Variants in EPB41L1 observed in about 807,000 individuals in gnomAD.
EPB41L1 encodes erythrocyte membrane protein band 4.1 like 1, also known as band 4.1-like protein 1.
Under a neutral mutation model 97.8 loss-of-function variants are expected in EPB41L1, and 29 were observed. The observed-to-expected ratio is 0.30, with a 90% CI of 0.22 to 0.40. The LOEUF is 0.40. EPB41L1 is among the 10% of genes least tolerant of loss of function. The pLI is 1.00. For missense variants in EPB41L1, 812 were observed against 1,162.3 expected, an observed-to-expected ratio of 0.70 and a Z score of 4.38; for synonymous variants, 383 against 459.2, an observed-to-expected ratio of 0.83 and a Z score of 2.12.
intron 2 of EPB41L1, among the ~76,000 whole-genome samples, chr20:36,114,364 G>A (rs2058518051): frequency 6.6e-6 from 1 of 152,006 alleles, no homozygotes; most frequent in Admixed American, 6.5e-5. Context: ...CAGGGCTCTA[G>A]GAAGCAGGGT....
chr20:36,130,843 C>T (rs2059173613), intron 2 of EPB41L1, among the ~76,000 whole-genome samples: 1 of 151,306 alleles, frequency 6.6e-6, no homozygotes, highest in African/African-American at 2.4e-5. Flanking sequence ...GAGTTTTGCT[C>T]TTGTTGCCCA....
chr20:36,141,732 A>C (rs1455988088), intron 2 of EPB41L1, among the ~76,000 whole-genome samples: 1 of 152,236 alleles, frequency 6.6e-6, no homozygotes, highest in Non-Finnish European at 1.5e-5. Context: ...TAATTCCACT[A>C]TCATAAAACA....
intron 3 of EPB41L1, among the ~76,000 whole-genome samples, chr20:36,176,569 C>G (rs1267922673): frequency 6.6e-6 from 1 of 151,992 alleles, no homozygotes; most frequent in African/African-American, 2.4e-5. Context: ...GGCTGAGTCC[C>G]TCTTCTCTAC....
chr20:36,166,537 A>T (rs1286073680), intron 1 of EPB41L1, among the ~76,000 whole-genome samples: 1 of 152,190 alleles, frequency 6.6e-6, no homozygotes, highest in Non-Finnish European at 1.5e-5. Flanking sequence ...GAGGGATAAA[A>T]AGAAATAAGT....
In EPB41L1 at chr20:36,190,600, C is replaced by T; in HGVS notation, c.1125-22C>T. ...CAGTGCAGGTCTGATTCCTCCTCCT[C>T]CCCTGCATCCCTCTGCTGCAGGCTG... is the stretch of plus-strand genomic sequence containing the variant. On this transcript the variant is annotated intron_variant, in intron 10 of 21. Coordinates refer to ENST00000338074, the MANE Select transcript of EPB41L1 (RefSeq NM_012156.2). The surrounding 1 kb of genome is among the most constrained non-coding windows in gnomAD (Gnocchi z 5.8). 1 of 1,613,682 alleles carries T rather than the reference C, an allele frequency of 6.2e-7. No homozygotes were observed. Among genetic ancestry groups the T allele is most frequent in the Non-Finnish European group, 8.5e-7 (1 of 1,179,928 alleles).
At position 36,232,069 on chromosome 20, in the gene EPB41L1, C is replaced by T. The variant is rs55653855; in HGVS notation, c.*2729C>T. ...CACCAGGGTTTGGGGAAATCACCATCCCGCGGATGCTGTGACCTCCCTTCT... is the reference window on the plus strand; with the variant it reads ...CACCAGGGTTTGGGGAAATCACCATTCCGCGGATGCTGTGACCTCCCTTCT... On this transcript the variant is annotated 3_prime_UTR_variant, in exon 22 of 22. Transcript: ENST00000338074. The T allele has an allele frequency of 0.024, 3,694 of 152,688 alleles. 58 individuals are homozygous for T. Among genetic ancestry groups the T allele is most frequent in the Middle Eastern group, 0.041 (12 of 296 alleles). 9.5% of individuals were successfully genotyped at this position (152,688 alleles called of 1,614,324 possible). A position where few individuals can be genotyped will look rare whatever the true frequency, so the allele number is the denominator to read the frequency against.
intron 14 of EPB41L1, among the ~76,000 whole-genome samples, chr20:36,203,695 G>A (rs896442672): frequency 6.6e-6 from 1 of 152,230 alleles, no homozygotes; most frequent in Non-Finnish European, 1.5e-5. Context: ...TGGTTCAGGA[G>A]CTGTGGTCCT....
chr20:36,097,368 A>G (rs2057865541), intron 1 of EPB41L1, among the ~76,000 whole-genome samples: 1 of 152,242 alleles, frequency 6.6e-6, no homozygotes, highest in South Asian at 2.1e-4. Flanking sequence ...AAACAGGACC[A>G]GTACTAGTAT....
intron 2 of EPB41L1, among the ~76,000 whole-genome samples, chr20:36,137,624 A>C (rs1401101921): frequency 6.6e-6 from 1 of 152,080 alleles, no homozygotes; most frequent in Non-Finnish European, 1.5e-5. Context: ...TCCTGGGTTC[A>C]AGCGATTCTT....
At chr20:36,200,934 G>C (rs2062460635) in intron 14 of EPB41L1, 2 of 456,726 alleles carry the variant, frequency 4.4e-6, no homozygotes, top group Non-Finnish European at 8.8e-6. Context: ...GCAGCCGCAG[G>C]CTTGGAAGTG....
intron 1 of EPB41L1, chr20:36,155,112 G>A: frequency 2.0e-6 from 1 of 495,826 alleles, no homozygotes; most frequent in Non-Finnish European, 3.8e-6. Context: ...GAGGCTGGGG[G>A]TTGGCGGGGG....
At chr20:36,191,473 C>T (rs1055608592) in intron 11 of EPB41L1, among the ~76,000 whole-genome samples, 2 of 152,112 alleles carry the variant, frequency 1.3e-5, no homozygotes, top group South Asian at 2.1e-4. Context: ...GCACAAACCA[C>T]GTTTCATCAG....
intron 7 of EPB41L1, among the ~76,000 whole-genome samples, chr20:36,187,045 C>T (rs1222492172): frequency 6.6e-6 from 1 of 152,148 alleles, no homozygotes; most frequent in African/African-American, 2.4e-5. Context: ...ACCTATCTTA[C>T]AGAGTTGTTA....
rs183058146 is a variant in EPB41L1 at position 36,227,002 on chromosome 20, G to A, written c.2638-2330G>A. On this transcript the variant is annotated intron_variant, in intron 21 of 21. Coordinates refer to ENST00000338074, the MANE Select transcript of EPB41L1 (RefSeq NM_012156.2). ...TTTGCTACTGAGTAATATTCTTTGA[G>A]TAGTATTCTTTCTACTCAATTTTGA... 2.0e-5 allele frequency among the ~76,000 whole-genome samples: 3 copies of A among 152,260 alleles called. No individual in the cohort carries two copies. In the East Asian group the frequency reaches 5.8e-4, roughly 29 times the overall value.
At chr20:36,200,233 A>G (rs1357491567) in intron 14 of EPB41L1, among the ~76,000 whole-genome samples, 2 of 152,208 alleles carry the variant, frequency 1.3e-5, no homozygotes, top group Non-Finnish European at 2.9e-5. Context: ...TCCATAGGGT[A>G]GTTGGGAAAG....
Position 36,092,210 on chromosome 20 carries a change from GCGGGGCCGCGGGGTTACCC to G in EPB41L1, c.-65+605_-65+623del, listed in dbSNP as rs2057680758. On this transcript the variant is annotated intron_variant, in intron 1 of 19. Transcript: ENST00000202028. The surrounding 1 kb of genome is among the most constrained non-coding windows in gnomAD (Gnocchi z 7.0). ...GGTAGACGAGGTCGGCGAGCTGGGC[GCGGGGCCGCGGGGTTACCC>G]CGGGGCACCGGGCACAGAGCCGAGA... 6.6e-6 allele frequency among the ~76,000 whole-genome samples: 1 copy of G among 152,190 alleles called. No homozygotes were observed. Among genetic ancestry groups the G allele is most frequent in the Non-Finnish European group, 1.5e-5 (1 of 68,034 alleles).
intron 1 of EPB41L1, among the ~76,000 whole-genome samples, chr20:36,109,246 C>G (rs558618434): frequency 3.9e-5 from 6 of 152,126 alleles, no homozygotes; most frequent in African/African-American, 1.4e-4. Context: ...TGCACCCGGC[C>G]GAGTTCAGGG....
chr20:36,220,412 A>C (rs934300348), intron 19 of EPB41L1, among the ~76,000 whole-genome samples: 6 of 152,176 alleles, frequency 3.9e-5, no homozygotes, highest in Admixed American at 6.5e-5. Context: ...CATGAGAAGC[A>C]CATGTAGGGG....
chr20:36,173,193 T>TTTTTG (rs1455955593), intron 1 of EPB41L1, among the ~76,000 whole-genome samples: 7 of 152,190 alleles, frequency 4.6e-5, no homozygotes, highest in African/African-American at 7.2e-5. Context: ...CCTGCGCGTT[T>TTTTTG]TTTTGTTTTG....
Sources: allele counts gnomAD v4.1 joint callset (sites outside exome capture counted in the v4.1 genomes callset), GRCh38; gene constraint gnomAD v4.1.1; non-coding constraint Gnocchi (gnomAD v3.1); transcripts MANE v1.5; gene names NCBI Gene and HGNC (gene_info 2026-07-23, HGNC 2026-07-21).